The following ADAMTS17 variants were observed in gnomAD, a reference collection of about 807,000 sequenced individuals.
ADAMTS17 encodes the protein ADAM metallopeptidase with thrombospondin type 1 motif 17, also known as A disintegrin and metalloproteinase with thrombospondin motifs 17.
A neutral mutation model predicts 141.5 loss-of-function variants in ADAMTS17; 113 were observed. The ratio of observed to expected loss-of-function variants is 0.80; its 90% CI spans 0.69 to 0.93. The LOEUF (loss-of-function observed/expected upper bound fraction) is 0.93. ADAMTS17 is among the 40% of genes least tolerant of loss of function. The pLI, the probability that ADAMTS17 is intolerant of heterozygous loss-of-function variation, is 0.00. For missense variants in ADAMTS17, 1,659 were observed against 1,517.9 expected, an observed-to-expected ratio of 1.09 and a Z score of -1.54; for synonymous variants, 768 against 630.6, an observed-to-expected ratio of 1.22 and a Z score of -3.27.
intron 10 of ADAMTS17, among the ~76,000 whole-genome samples, chr15:100,150,247 C>T (rs1052388125): frequency 7.2e-5 from 11 of 152,100 alleles, no homozygotes; most frequent in South Asian, 2.1e-4. Flanking sequence ...GCTTGTTGCC[C>T]TCTAACTGAA....
At chr15:100,243,269 T>C (rs756423900) in intron 7 of ADAMTS17, among the ~76,000 whole-genome samples, 2 of 152,262 alleles carry the variant, frequency 1.3e-5, no homozygotes, top group African/African-American at 2.4e-5. Flanking sequence ...CTGGCTATTG[T>C]AAATAGTGCT....
At chr15:100,123,488 A>C (rs1195194865) in intron 12 of ADAMTS17, among the ~76,000 whole-genome samples, 2 of 152,202 alleles carry the variant, frequency 1.3e-5, no homozygotes, top group Non-Finnish European at 2.9e-5. Context: ...AGGTCCCATG[A>C]GGCCTCCAGG....
At chr15:100,220,058 C>T (rs971937258) in intron 7 of ADAMTS17, among the ~76,000 whole-genome samples, 3 of 152,152 alleles carry the variant, frequency 2.0e-5, no homozygotes, top group Non-Finnish European at 4.4e-5. Context: ...CCTAATGCAT[C>T]GCCATGGTAC....
intron 3 of ADAMTS17, among the ~76,000 whole-genome samples, chr15:100,319,554 C>G (rs1162754710): frequency 6.6e-6 from 1 of 151,952 alleles, no homozygotes; most frequent in African/African-American, 2.4e-5. Flanking sequence ...ACTAAAAATA[C>G]AAAAAAATTA....
intron 4 of ADAMTS17, among the ~76,000 whole-genome samples, chr15:100,270,068 T>C (rs1181897597): frequency 1.3e-5 from 2 of 152,216 alleles, no homozygotes; most frequent in Non-Finnish European, 2.9e-5. Flanking sequence ...CCAGGCTTCA[T>C]AAGCTCTTAA....
At position 100,262,417 on chromosome 15, in the gene ADAMTS17, G is replaced by A; in HGVS notation, c.808C>T (p.His270Tyr). The change falls in exon 5 of 22, where the codon CAC (histidine) becomes TAC (tyrosine). Residue 270 changes from histidine to tyrosine, a missense_variant. His to Tyr is a moderately conservative substitution (Grantham distance 83). Coordinates refer to ENST00000268070, the MANE Select transcript of ADAMTS17 (RefSeq NM_139057.4). ...TTAATTTTAATCCCCAGGCTCTGGT[G>A]CTGAAACATATTGTATACCTATCAA... ...VMNMVYNMFQ[H>Y]QSLGIKINIQ... The A allele has an allele frequency of 6.2e-7, 1 of 1,613,704 alleles. No homozygotes were observed. Among genetic ancestry groups the A allele is most frequent in the Non-Finnish European group, 8.5e-7 (1 of 1,179,800 alleles).
At position 100,312,954 on chromosome 15, in the gene ADAMTS17, A is replaced by G. The variant is rs140003510; in HGVS notation, c.616+17935T>C. Among the ~76,000 whole-genome samples, 272 of 152,344 alleles carry G rather than the reference A, an allele frequency of 1.8e-3. 4 individuals are homozygous for G. Among genetic ancestry groups the G allele is most frequent in the Non-Finnish European group, 1.9e-3 (126 of 68,042 alleles). On this transcript the variant is annotated intron_variant, in intron 3 of 21. Coordinates refer to ENST00000268070, the MANE Select transcript of ADAMTS17 (RefSeq NM_139057.4). ...AGATACAATTTTCTAGGAAAATACA[A>G]TTTACCAAAATTGATCCCATAAGCA...
At chr15:100,000,829 C>A (rs1225875321) in intron 18 of ADAMTS17, among the ~76,000 whole-genome samples, 2 of 152,068 alleles carry the variant, frequency 1.3e-5, no homozygotes, top group Non-Finnish European at 2.9e-5. Flanking sequence ...ATACTGCTCC[C>A]CAGAATACAC....
intron 7 of ADAMTS17, among the ~76,000 whole-genome samples, chr15:100,211,908 C>T (rs754518759): frequency 5.9e-5 from 9 of 152,020 alleles, no homozygotes; most frequent in Admixed American, 2.0e-4. Flanking sequence ...GGTATATTGG[C>T]CATTTTAGGA....
intron 6 of ADAMTS17, among the ~76,000 whole-genome samples, chr15:100,260,250 C>T (rs1011584400): frequency 6.6e-6 from 1 of 152,174 alleles, no homozygotes; most frequent in Non-Finnish European, 1.5e-5. Flanking sequence ...TCAGAGTTTG[C>T]AGCACATGGC....
At chr15:100,184,496 A>G (rs566204047) in intron 8 of ADAMTS17, among the ~76,000 whole-genome samples, 44 of 152,294 alleles carry the variant, frequency 2.9e-4, no homozygotes, top group Admixed American at 2.0e-3. Flanking sequence ...GGTTACCTTT[A>G]CGTTTTTCTG....
chr15:100,031,510 T>A (rs2030161776), intron 18 of ADAMTS17, among the ~76,000 whole-genome samples: 1 of 152,108 alleles, frequency 6.6e-6, no homozygotes, highest in South Asian at 2.1e-4. Context: ...AGAGGGTGAA[T>A]GATTTAACTA....
At chr15:100,278,219 A>G (rs1272209108) in intron 4 of ADAMTS17, among the ~76,000 whole-genome samples, 2 of 151,680 alleles carry the variant, frequency 1.3e-5, no homozygotes, top group Non-Finnish European at 2.9e-5. Flanking sequence ...CTGGAGGTGG[A>G]TGGTGGTGGT....
intron 15 of ADAMTS17, among the ~76,000 whole-genome samples, chr15:100,069,421 A>G (rs887116611): frequency 1.7e-4 from 26 of 152,214 alleles, no homozygotes; most frequent in African/African-American, 6.3e-4. Context: ...TGAGAAGAGT[A>G]ACTCCAAGAC....
chr15:100,252,576 C>G (rs2043187293), intron 7 of ADAMTS17, among the ~76,000 whole-genome samples: 1 of 152,200 alleles, frequency 6.6e-6, no homozygotes, highest in South Asian at 2.1e-4. Flanking sequence ...AGCAGCCACT[C>G]CTAGAAACAG....
intron 18 of ADAMTS17, among the ~76,000 whole-genome samples, chr15:100,020,600 G>C (rs966365394): frequency 6.6e-6 from 1 of 152,138 alleles, no homozygotes; most frequent in Non-Finnish European, 1.5e-5. Flanking sequence ...ACCCTCCGTG[G>C]GTCTATTTTG....
In ADAMTS17 at chr15:100,074,117, TA is replaced by T. The variant is rs1334505141; in HGVS notation, c.2138-20064del. 9.8e-5 allele frequency: 15 copies of T among 153,234 alleles called. No individual in the cohort carries two copies. The East Asian group carries it at 2.9e-3, about 30-fold the overall frequency. 9.5% of individuals were successfully genotyped at this position (153,234 alleles called of 1,614,324 possible). On this transcript the variant is annotated intron_variant, in intron 15 of 21. Coordinates refer to ENST00000268070, the MANE Select transcript of ADAMTS17 (RefSeq NM_139057.4). ...ATATATTTCTCACCCATCCAAGTAC[TA>T]ACCAGACCTGACCTTGCTTAGCTTC...
At chr15:100,140,950 G>A (rs898657833) in intron 10 of ADAMTS17, among the ~76,000 whole-genome samples, 1 of 152,170 alleles carries the variant, frequency 6.6e-6, no homozygotes. Flanking sequence ...CTAGAACAGG[G>A]TGGAAACACA....
At chr15:100,037,061 G>A (rs755408153) in intron 18 of ADAMTS17, among the ~76,000 whole-genome samples, 2 of 152,048 alleles carry the variant, frequency 1.3e-5, no homozygotes, top group Admixed American at 6.6e-5. Context: ...CATCATTCTT[G>A]GGTATATACA....
Sources: gnomAD v4.1 joint callset for allele counts (sites outside exome capture counted in the v4.1 genomes callset) on GRCh38, gnomAD v4.1.1 for gene constraint, MANE v1.5 for transcripts, NCBI Gene and HGNC (gene_info 2026-07-23, HGNC 2026-07-21) for gene names.